The following PAX7 variants were observed in gnomAD, a reference collection of about 807,000 sequenced individuals.
PAX7 encodes the protein paired box protein Pax-7.
In PAX7, 18 loss-of-function variants were observed where a neutral mutation model predicts 50.7. The observed-to-expected ratio is 0.36, with a 90% confidence interval of 0.25 to 0.53. The LOEUF (loss-of-function observed/expected upper bound fraction) is 0.53, where lower values mean the gene tolerates loss of function less well. Ranked by LOEUF, PAX7 falls within the 20% of genes least tolerant of loss-of-function variation. The pLI is 0.93. For missense variants in PAX7, 644 were observed against 702.9 expected (o/e 0.92, Z 0.95); for synonymous variants, 310 against 290.4 (o/e 1.07, Z -0.69).
chr1:18,679,452 C>T (rs1408118692), intron 4 of PAX7, among the ~76,000 whole-genome samples: 5 of 152,210 alleles, frequency 3.3e-5, no homozygotes. Flanking sequence ...CTGCCTTTTC[C>T]TTTCCATGCC....
In PAX7 at chr1:18,637,887, AG is replaced by A. The variant is rs2088188408; in HGVS notation, c.586+1520del. Among the ~76,000 whole-genome samples the A allele has an allele frequency of 2.0e-5, 3 of 152,332 alleles. No homozygotes were observed. In the South Asian group the frequency reaches 6.2e-4, roughly 32 times the overall value. Reference sequence around the variant, plus strand: ...GCGCCCCGCTGTGCCCGGCCTGCCGAGGGGCCACGGGTCTGCGGCGGGAGGC... The same window carrying A: ...GCGCCCCGCTGTGCCCGGCCTGCCGAGGGCCACGGGTCTGCGGCGGGAGGC... On this transcript the variant is annotated intron_variant, in intron 4 of 8. Coordinates refer to ENST00000420770, the MANE Select transcript of PAX7 (RefSeq NM_001135254.2).
chr1:18,743,576 C>T (rs1030241246), intron 8 of PAX7, among the ~76,000 whole-genome samples: 1 of 152,226 alleles, frequency 6.6e-6, no homozygotes, highest in Non-Finnish European at 1.5e-5. Context: ...CCTACAAATC[C>T]CAGGGGTTTG....
chr1:18,704,709 A>T (rs1394697099), intron 7 of PAX7, among the ~76,000 whole-genome samples: 1 of 152,150 alleles, frequency 6.6e-6, no homozygotes, highest in African/African-American at 2.4e-5. Flanking sequence ...AAATTAAAAA[A>T]AAAAACAAAC....
intron 4 of PAX7, among the ~76,000 whole-genome samples, chr1:18,661,168 T>A (rs2088594137): frequency 1.3e-5 from 2 of 152,114 alleles, no homozygotes; most frequent in Admixed American, 6.5e-5. Context: ...CGTGGGTCCA[T>A]CCCTGCCCTC....
chr1:18,695,943 G>C (rs2089144245), intron 5 of PAX7, among the ~76,000 whole-genome samples: 1 of 152,174 alleles, frequency 6.6e-6, no homozygotes, highest in Non-Finnish European at 1.5e-5. Context: ...TCTGTGCTTG[G>C]GGTAGGGGTG....
chr1:18,699,794 C>G (rs1020750383), intron 5 of PAX7, among the ~76,000 whole-genome samples: 1 of 152,072 alleles, frequency 6.6e-6, no homozygotes, highest in Admixed American at 6.5e-5. Context: ...ATCTCCTGAC[C>G]TCGTGATCCG....
At chr1:18,743,939 T>C (rs1017567051) in intron 8 of PAX7, among the ~76,000 whole-genome samples, 12 of 152,192 alleles carry the variant, frequency 7.9e-5, no homozygotes, top group Non-Finnish European at 1.2e-4. Flanking sequence ...TCATGTGCAG[T>C]CTAATTCAAG....
intron 4 of PAX7, among the ~76,000 whole-genome samples, chr1:18,661,825 C>T (rs910220206): frequency 2.6e-5 from 4 of 152,228 alleles, no homozygotes; most frequent in Non-Finnish European, 5.9e-5. Context: ...GCCCTGCCCT[C>T]TGCCCGCGCC....
intron 4 of PAX7, among the ~76,000 whole-genome samples, chr1:18,639,395 AT>A (rs3079731): frequency 0.041 from 6,130 of 149,218 alleles, 420 homozygotes; most frequent in African/African-American, 0.14. Flanking sequence ...GGCTGTTCAT[AT>A]TTTTTTTTTT....
At chr1:18,695,757 C>T (rs2089141973) in intron 5 of PAX7, among the ~76,000 whole-genome samples, 1 of 152,158 alleles carries the variant, frequency 6.6e-6, no homozygotes, top group African/African-American at 2.4e-5. Flanking sequence ...GTGCCACAAC[C>T]CTGAGCCTGT....
At chr1:18,643,400 G>A (rs61656533) in intron 4 of PAX7, among the ~76,000 whole-genome samples, 21,291 of 152,258 alleles carry the variant, frequency 0.14, 1,587 homozygotes, top group East Asian at 0.27. Context: ...GAGCCACAGA[G>A]GAGGAGAGAG....
intron 3 of PAX7, among the ~76,000 whole-genome samples, chr1:18,635,557 G>A (rs865899123): frequency 4.8e-4 from 66 of 137,476 alleles, no homozygotes; most frequent in Middle Eastern, 3.8e-3. Flanking sequence ...AAAGCAGGCA[G>A]GCAGGTGGGC....
chr1:18,647,470 A>G (rs1161485108), intron 4 of PAX7, among the ~76,000 whole-genome samples: 2 of 119,208 alleles, frequency 1.7e-5, no homozygotes, highest in African/African-American at 6.5e-5. Context: ...GCTGTAGAGG[A>G]GATGCCTGAA....
intron 6 of PAX7, among the ~76,000 whole-genome samples, chr1:18,702,401 C>T (rs2089234136): frequency 6.6e-6 from 1 of 152,068 alleles, no homozygotes; most frequent in Non-Finnish European, 1.5e-5. Context: ...AAATGACTGG[C>T]AGGCTGGAGT....
At chr1:18,687,588 G>T (rs950296853) in intron 4 of PAX7, among the ~76,000 whole-genome samples, 1 of 152,186 alleles carries the variant, frequency 6.6e-6, no homozygotes, top group Admixed American at 6.5e-5. Context: ...TAAAATGGGG[G>T]TCTCTTCCCC....
At chr1:18,669,961 G>A (rs1158844602) in intron 4 of PAX7, among the ~76,000 whole-genome samples, 1 of 151,814 alleles carries the variant, frequency 6.6e-6, no homozygotes, top group Non-Finnish European at 1.5e-5. Context: ...GCACGTGCCT[G>A]TAGGCCAGCT....
At chr1:18,680,284 A>G (rs1245063153) in intron 4 of PAX7, among the ~76,000 whole-genome samples, 1 of 152,192 alleles carries the variant, frequency 6.6e-6, no homozygotes, top group African/African-American at 2.4e-5. Flanking sequence ...CCAAGAGGAC[A>G]AGTGACAAGT....
chr1:18,704,414 A>G (rs555481707), intron 7 of PAX7, among the ~76,000 whole-genome samples: 15 of 152,284 alleles, frequency 9.9e-5, no homozygotes, highest in African/African-American at 3.4e-4. Flanking sequence ...TGAGGTCAAG[A>G]GTTCGAGACC....
At chr1:18,644,500 T>C (rs1339812502) in intron 4 of PAX7, among the ~76,000 whole-genome samples, 1 of 152,126 alleles carries the variant, frequency 6.6e-6, no homozygotes, top group Non-Finnish European at 1.5e-5. Context: ...GCCATTTACA[T>C]ACTTATATAC....
Sources: gnomAD v4.1 joint callset for allele counts (sites outside exome capture counted in the v4.1 genomes callset) on GRCh38, gnomAD v4.1.1 for gene constraint, MANE v1.5 for transcripts, NCBI Gene and HGNC (gene_info 2026-07-23, HGNC 2026-07-21) for gene names.